The following GULP1 variants were observed in gnomAD, a reference collection of about 807,000 sequenced individuals.
The protein encoded by GULP1 is GULP PTB domain containing engulfment adaptor 1.
Under a neutral mutation model 40.9 loss-of-function variants are expected in GULP1, and 19 were observed. The observed-to-expected ratio is 0.46, with a 90% CI of 0.32 to 0.68. The LOEUF is 0.68. Among genes scored for constraint, GULP1 ranks in the 30% least tolerant of loss-of-function variants. The pLI, the probability that GULP1 is intolerant of heterozygous loss-of-function variation, is 0.03. For synonymous variants in GULP1, 119 were observed against 117.6 expected, an observed-to-expected ratio of 1.01 and a Z score of -0.08; for missense variants, 312 against 362.2, an observed-to-expected ratio of 0.86 and a Z score of 1.12.
In GULP1 at chr2:188,469,785, C is replaced by CT. The variant is rs200671311; in HGVS notation, c.-44-7868dup. Among the ~76,000 whole-genome samples the CT allele has an allele frequency of 9.3e-3, 1,410 of 152,104 alleles. 32 individuals carry two copies. The highest frequency in any genetic ancestry group is 0.032 in the African/African-American group (1,324 of 41,478). ...GAAAGATGTTGAATTTTATCAAATGCTTTTTTAGCATCTATTGAAATGATC... is the reference window on the plus strand; with the variant it reads ...GAAAGATGTTGAATTTTATCAAATGCTTTTTTTAGCATCTATTGAAATGATC... On this transcript the variant is annotated intron_variant, in intron 2 of 11. Coordinates refer to ENST00000409830, the MANE Select transcript of GULP1 (RefSeq NM_016315.4).
At chr2:188,558,284 A>G (rs1309702633) in intron 7 of GULP1, among the ~76,000 whole-genome samples, 1 of 152,152 alleles carries the variant, frequency 6.6e-6, no homozygotes, top group African/African-American at 2.4e-5. Context: ...TTTCCCCCAT[A>G]CTATTCTCAT....
At chr2:188,569,967 TA>T in intron 8 of GULP1, 60 bp from the exon 9 acceptor site, 1 of 685,462 alleles carries the variant, frequency 1.5e-6, no homozygotes. Flanking sequence ...CTCATAACTG[TA>T]GCCAATATTT....
At chr2:188,369,027 A>C (rs2047245282) in intron 1 of GULP1, among the ~76,000 whole-genome samples, 1 of 142,874 alleles carries the variant, frequency 7.0e-6, no homozygotes, top group African/African-American at 2.6e-5. Context: ...CAGTGGTGTG[A>C]TCTTGTCTCA....
At chr2:188,473,135 C>G (rs983216579) in intron 2 of GULP1, among the ~76,000 whole-genome samples, 1 of 151,230 alleles carries the variant, frequency 6.6e-6, no homozygotes, top group African/African-American at 2.5e-5. Context: ...CTTTTTCTTT[C>G]AAACAAATGG....
intron 5 of GULP1, 92 bp from the exon 6 acceptor site, chr2:188,529,005 G>A (rs1200276886): frequency 1.5e-6 from 1 of 653,126 alleles, no homozygotes; most frequent in Non-Finnish European, 2.6e-6. Context: ...ATTAAAGTCT[G>A]AAATTGAATA....
intron 6 of GULP1, among the ~76,000 whole-genome samples, chr2:188,529,656 A>G (rs1234895739): frequency 6.6e-6 from 1 of 152,152 alleles, no homozygotes; most frequent in Non-Finnish European, 1.5e-5. Context: ...ATTTTCTCAC[A>G]GTTGTGGAGG....
chr2:188,410,834 C>T (rs1189141793), intron 2 of GULP1, among the ~76,000 whole-genome samples: 3 of 152,120 alleles, frequency 2.0e-5, no homozygotes, highest in Admixed American at 6.5e-5. Flanking sequence ...AGGCACAGAC[C>T]TTCATGGAAG....
chr2:188,455,781 T>C (rs928364545), intron 2 of GULP1, among the ~76,000 whole-genome samples: 19 of 152,176 alleles, frequency 1.2e-4, no homozygotes, highest in Non-Finnish European at 2.6e-4. Context: ...TTTGGAGGGC[T>C]CAGAAGAAGA....
At position 188,499,656 on chromosome 2, in the gene GULP1, G is replaced by GGTCTT. The variant is rs1456180550; in HGVS notation, c.90+16165_90+16169dup. ...TCACACCATGTAAAAAGTAAAACCTGGTCTTCTATGCAGGTAATGTTCTTT... is the reference window on the plus strand; with the variant it reads ...TCACACCATGTAAAAAGTAAAACCTGGTCTTGTCTTCTATGCAGGTAATGTTCTTT... On this transcript the variant is annotated intron_variant, in intron 4 of 11. Transcript: ENST00000409830. Among the ~76,000 whole-genome samples, 8 of 151,638 alleles carry GGTCTT rather than the reference G, an allele frequency of 5.3e-5. No individual in the cohort carries two copies. In the East Asian group the frequency reaches 1.4e-3, roughly 26 times the overall value.
intron 2 of GULP1, among the ~76,000 whole-genome samples, chr2:188,459,599 T>G (rs1191674083): frequency 6.6e-6 from 1 of 152,110 alleles, no homozygotes; most frequent in Non-Finnish European, 1.5e-5. Flanking sequence ...GTTTGCAAAT[T>G]TTTTATCCCA....
At chr2:188,455,044 A>G (rs563598275) in intron 2 of GULP1, among the ~76,000 whole-genome samples, 5 of 152,246 alleles carry the variant, frequency 3.3e-5, no homozygotes, top group Non-Finnish European at 5.9e-5. Flanking sequence ...AGCCAGTTGG[A>G]TCACTTAAGC....
chr2:188,504,283 C>G (rs1409242653), intron 4 of GULP1, among the ~76,000 whole-genome samples: 1 of 151,862 alleles, frequency 6.6e-6, no homozygotes, highest in African/African-American at 2.4e-5. Flanking sequence ...GAAAACATGA[C>G]TGTAGAAATT....
chr2:188,364,271 C>T (rs2046454595), intron 1 of GULP1, among the ~76,000 whole-genome samples: 1 of 152,002 alleles, frequency 6.6e-6, no homozygotes, highest in Non-Finnish European at 1.5e-5. Flanking sequence ...TGGAGGATCA[C>T]TGAAACCACT....
chr2:188,345,967 T>G (rs781130063), intron 1 of GULP1, among the ~76,000 whole-genome samples: 3 of 152,242 alleles, frequency 2.0e-5, no homozygotes, highest in Non-Finnish European at 2.9e-5. Flanking sequence ...CTTTGGAATT[T>G]ATAGTTTAAT....
intron 2 of GULP1, among the ~76,000 whole-genome samples, chr2:188,446,427 T>A (rs1175569125): frequency 2.0e-5 from 3 of 152,182 alleles, no homozygotes; most frequent in African/African-American, 7.2e-5. Flanking sequence ...TACTTGCATC[T>A]CCAAAGTATC....
intron 1 of GULP1, among the ~76,000 whole-genome samples, chr2:188,380,181 A>C (rs1336670451): frequency 6.6e-6 from 1 of 152,316 alleles, no homozygotes; most frequent in South Asian, 2.1e-4. Context: ...ACTAGAATAC[A>C]TAGGAAGTGA....
intron 1 of GULP1, among the ~76,000 whole-genome samples, chr2:188,359,147 T>TA (rs1378425786): frequency 3.9e-5 from 6 of 152,200 alleles, no homozygotes; most frequent in Admixed American, 1.3e-4. Context: ...CATCTTTAGA[T>TA]ACGTGTTTCA....
intron 1 of GULP1, among the ~76,000 whole-genome samples, chr2:188,350,066 A>G (rs76475733): frequency 1.4e-3 from 211 of 152,288 alleles, no homozygotes; most frequent in Non-Finnish European, 2.4e-3. Flanking sequence ...CCATTGATGT[A>G]TAGGCCTAGA....
chr2:188,341,425 C>G (rs1419344819), intron 1 of GULP1, among the ~76,000 whole-genome samples: 1 of 152,066 alleles, frequency 6.6e-6, no homozygotes, highest in East Asian at 1.9e-4. Flanking sequence ...CCACAAGGCT[C>G]CACCTCCAAT....
Sources: gnomAD v4.1 joint callset for allele counts (sites outside exome capture counted in the v4.1 genomes callset) on GRCh38, gnomAD v4.1.1 for gene constraint, MANE v1.5 for transcripts, NCBI Gene and HGNC (gene_info 2026-07-23, HGNC 2026-07-21) for gene names.